Variants in DCAF4 observed in about 807,000 individuals in gnomAD.
DCAF4 encodes the protein DDB1- and CUL4-associated factor 4.
In DCAF4, 37 loss-of-function variants were observed where a neutral mutation model predicts 60.9. The observed-to-expected ratio is 0.61, with a 90% CI of 0.47 to 0.80. DCAF4 has a LOEUF of 0.80. DCAF4 is among the 30% of genes least tolerant of loss of function. The pLI is 0.00. For missense variants in DCAF4, 577 were observed against 650.0 expected (o/e 0.89, Z 1.22); for synonymous variants, 243 against 254.8 (o/e 0.95, Z 0.44).
chr14:72,937,811 C>T, intron 1 of DCAF4, 160 bp from the exon 2 acceptor site: 1 of 716,508 alleles, frequency 1.4e-6, no homozygotes, highest in Non-Finnish European at 1.7e-6. Context: ...GTGCTGGAGG[C>T]AGCCCTTCCC....
intron 6 of DCAF4, 63 bp downstream of exon 6, chr14:72,943,159 A>C: frequency 6.8e-7 from 1 of 1,466,496 alleles, no homozygotes; most frequent in South Asian, 1.2e-5. Context: ...TTTGTGGCTT[A>C]GCGTTGCCAG....
In DCAF4 at chr14:72,931,265, T is replaced by C. The variant is rs372612396; in HGVS notation, c.-9+4722T>C. Among the ~76,000 whole-genome samples, 365 of 147,718 alleles carry C rather than the reference T, an allele frequency of 2.5e-3. 2 individuals are homozygous for C. The highest frequency in any genetic ancestry group is 8.4e-3 in the African/African-American group (343 of 40,630). On this transcript the variant is annotated intron_variant, in intron 1 of 13. Transcript: ENST00000358377. ...ATATATTCCTAAGTACTTTTTCTCT[T>C]TTTTTTTTTTTTTTTTGTAACTGAG...
chr14:72,953,810 GTGTGTGTGTGTGTGTGTGTA>G (rs1891892591), intron 9 of DCAF4, among the ~76,000 whole-genome samples: 1 of 131,306 alleles, frequency 7.6e-6, no homozygotes, highest in South Asian at 2.4e-4. Flanking sequence ...GTGTGTGTGT[GTGTGTGTGTGTGTGTGTGTA>G]TATACACACA....
chr14:72,956,642 T>G (rs1892341322), intron 13 of DCAF4, 142 bp downstream of exon 13: 1 of 729,636 alleles, frequency 1.4e-6, no homozygotes, highest in Non-Finnish European at 2.4e-6. Context: ...GTGGGGAGAC[T>G]AGGAGGGAAG....
intron 13 of DCAF4, 99 bp downstream of exon 13, chr14:72,956,599 C>G (rs1356202794): frequency 1.7e-6 from 2 of 1,164,810 alleles, no homozygotes; most frequent in Non-Finnish European, 2.5e-6. Context: ...TACCCCAAAA[C>G]AGAACTGAAT....
intron 13 of DCAF4, chr14:72,957,640 A>C (rs755696670): frequency 2.0e-5 from 3 of 152,222 alleles, no homozygotes; most frequent in Non-Finnish European, 4.4e-5. Context: ...TGATAGAGAG[A>C]GCTCAGCCTT....
intron 1 of DCAF4, among the ~76,000 whole-genome samples, chr14:72,931,195 TG>T (rs1230961870): frequency 6.6e-6 from 1 of 152,088 alleles, no homozygotes; most frequent in Non-Finnish European, 1.5e-5. Flanking sequence ...CTTTCAACAG[TG>T]TTTTATAGTT....
downstream of DCAF4, chr14:72,962,085 A>G: frequency 1.1e-6 from 1 of 951,534 alleles, no homozygotes. Context: ...CATTAAAAAA[A>G]TTTGTGTCTC....
intron 12 of DCAF4, among the ~76,000 whole-genome samples, 185 bp from the exon 13 acceptor site, chr14:72,956,201 A>G (rs1022265407): frequency 3.9e-5 from 6 of 152,086 alleles, no homozygotes; most frequent in South Asian, 4.2e-4. Context: ...GATTACAGGC[A>G]TGAGCCACCG....
intron 4 of DCAF4, chr14:72,940,590 T>TG: frequency 3.0e-6 from 1 of 338,630 alleles, no homozygotes; most frequent in Non-Finnish European, 5.2e-6. Context: ...TTCGATAAGT[T>TG]GTTTTTTTTT....
At chr14:72,940,587 A>ATTTT in intron 4 of DCAF4, 5 of 337,448 alleles carry the variant, frequency 1.5e-5, no homozygotes, top group Non-Finnish European at 2.6e-5. Context: ...TTGTTCGATA[A>ATTTT]GTTGTTTTTT....
chr14:72,953,707 C>CT (rs1891743485), intron 9 of DCAF4, among the ~76,000 whole-genome samples: 1 of 15,788 alleles, frequency 6.3e-5, no homozygotes. Context: ...AAGACCCTGT[C>CT]TTAAAAAAAA....
At chr14:72,945,590 A>T (rs907176129) in intron 6 of DCAF4, among the ~76,000 whole-genome samples, 1 of 152,034 alleles carries the variant, frequency 6.6e-6, no homozygotes, top group Admixed American at 6.6e-5. Flanking sequence ...GCTCTCCCAA[A>T]CCCACTTCTG....
intron 1 of DCAF4, among the ~76,000 whole-genome samples, chr14:72,934,447 C>T (rs572676673): frequency 6.6e-6 from 1 of 152,118 alleles, no homozygotes; most frequent in East Asian, 1.9e-4. Flanking sequence ...AGCCACTGCA[C>T]CCGGCCTAAT....
At chr14:72,935,614 T>C (rs1031678778) in intron 1 of DCAF4, among the ~76,000 whole-genome samples, 5 of 152,230 alleles carry the variant, frequency 3.3e-5, no homozygotes, top group Non-Finnish European at 7.3e-5. Context: ...CAGGCTCCCT[T>C]ACCAGATTGC....
chr14:72,940,469 G>A (rs1226350736), intron 4 of DCAF4, 92 bp downstream of exon 4: 28 of 1,355,966 alleles, frequency 2.1e-5, no homozygotes, highest in Non-Finnish European at 2.7e-5. Context: ...AGATGCCCCT[G>A]CGACACTTAG....
chr14:72,952,691 C>CTTTTT (rs1215172512), intron 9 of DCAF4, among the ~76,000 whole-genome samples: 11 of 105,164 alleles, frequency 1.0e-4, no homozygotes, highest in African/African-American at 1.4e-4. Context: ...CTTGTCTTGT[C>CTTTTT]TTTTTTTTTT....
intron 3 of DCAF4, 141 bp downstream of exon 3, chr14:72,940,043 G>A (rs1377446540): frequency 6.9e-6 from 8 of 1,160,714 alleles, no homozygotes; most frequent in Non-Finnish European, 9.8e-6. Flanking sequence ...TGGTCATGAG[G>A]CAAACCGCCT....
intron 9 of DCAF4, among the ~76,000 whole-genome samples, chr14:72,952,691 C>CTTTTTTTTTTTT (rs1215172512): frequency 9.5e-6 from 1 of 105,190 alleles, no homozygotes; most frequent in Non-Finnish European, 1.9e-5. Context: ...CTTGTCTTGT[C>CTTTTTTTTTTTT]TTTTTTTTTT....
Sources: gnomAD v4.1 joint callset for allele counts (sites outside exome capture counted in the v4.1 genomes callset) on GRCh38, gnomAD v4.1.1 for gene constraint, MANE v1.5 for transcripts, NCBI Gene and HGNC (gene_info 2026-07-23, HGNC 2026-07-21) for gene names.